Variants in RASSF3 observed in about 807,000 individuals in gnomAD.
RASSF3 encodes the protein Ras association domain family member 3, also known as ras association domain-containing protein 3.
In RASSF3, 19 loss-of-function variants were observed where a neutral mutation model predicts 19.9. The ratio of observed to expected loss-of-function variants is 0.96; its 90% CI spans 0.67 to 1.40. RASSF3 has a LOEUF of 1.40. Among genes scored for constraint, RASSF3 ranks in the 40% most tolerant of loss-of-function variants. The pLI, the probability that RASSF3 is intolerant of heterozygous loss-of-function variation, is 0.00. For missense variants in RASSF3, 306 were observed against 289.8 expected (o/e 1.06, Z -0.41); for synonymous variants, 110 against 104.2 (o/e 1.06, Z -0.34).
chr12:64,531,676 C>G (rs1490063883), upstream of RASSF3, among the ~76,000 whole-genome samples: 1 of 152,158 alleles, frequency 6.6e-6, no homozygotes, highest in South Asian at 2.1e-4. Flanking sequence ...CTATGTTTAG[C>G]CTGTAGCTTT....
upstream of RASSF3, among the ~76,000 whole-genome samples, chr12:64,607,016 C>T (rs886827885): frequency 6.6e-5 from 10 of 152,058 alleles, no homozygotes; most frequent in African/African-American, 2.4e-4. Context: ...TGGTGGCTCA[C>T]ACCTGTAATC....
intron 2 of RASSF3, among the ~76,000 whole-genome samples, chr12:64,567,779 C>T (rs1869454128): frequency 6.6e-6 from 1 of 152,232 alleles, no homozygotes; most frequent in African/African-American, 2.4e-5. Context: ...TGTGGCTCCA[C>T]ACACCAGAGC....
chr12:64,507,389 A>G (rs1216031755), intron 1 of RASSF3: 6 of 398,000 alleles, frequency 1.5e-5, no homozygotes, highest in South Asian at 2.6e-4. Context: ...TGTGTGTTAC[A>G]TTTTAAAATG....
chr12:64,543,440 C>CG (rs1203488896), downstream of RASSF3, among the ~76,000 whole-genome samples: 1 of 58,936 alleles, frequency 1.7e-5, no homozygotes, highest in Non-Finnish European at 3.0e-5. Context: ...CCCGCCCCCC[C>CG]CGTGCCCGCC....
At chr12:64,553,990 A>AAG (rs1555208788) in intron 2 of RASSF3, among the ~76,000 whole-genome samples, 1 of 151,592 alleles carries the variant, frequency 6.6e-6, no homozygotes, top group Non-Finnish European at 1.5e-5. Flanking sequence ...AAAAAAAAAA[A>AAG]AAAGAAAGAA....
At chr12:64,683,561 A>G (rs944121665) in intron 1 of RASSF3, among the ~76,000 whole-genome samples, 2 of 152,176 alleles carry the variant, frequency 1.3e-5, no homozygotes, top group Non-Finnish European at 2.9e-5. Context: ...AAGATGAATT[A>G]TCCTCTGGTA....
At chr12:64,644,679 A>AG (rs1871667985) in intron 1 of RASSF3, among the ~76,000 whole-genome samples, 1 of 143,476 alleles carries the variant, frequency 7.0e-6, no homozygotes, top group Non-Finnish European at 1.5e-5. Context: ...CCTGGGCAGC[A>AG]GAGACCCTGT....
At chr12:64,662,083 T>C (rs1475634382) in intron 1 of RASSF3, among the ~76,000 whole-genome samples, 1 of 150,976 alleles carries the variant, frequency 6.6e-6, no homozygotes, top group Non-Finnish European at 1.5e-5. Flanking sequence ...GAAAAAAAAA[T>C]CCCTGCCTTT....
intron 2 of RASSF3, among the ~76,000 whole-genome samples, chr12:64,591,914 T>G (rs1291277853): frequency 6.6e-6 from 1 of 152,082 alleles, no homozygotes; most frequent in Non-Finnish European, 1.5e-5. Context: ...CTGTTTTTTT[T>G]TTTTTGAGAC....
chr12:64,570,587 G>A (rs916146751), intron 2 of RASSF3, among the ~76,000 whole-genome samples: 5 of 152,088 alleles, frequency 3.3e-5, no homozygotes. Flanking sequence ...TGTGCAGCTG[G>A]CTTAACTTGC....
chr12:64,653,050 C>T (rs1407804225), intron 1 of RASSF3, among the ~76,000 whole-genome samples: 2 of 152,154 alleles, frequency 1.3e-5, no homozygotes, highest in African/African-American at 2.4e-5. Context: ...CATCTTCTCT[C>T]TGTACATGTC....
At chr12:64,649,974 C>G (rs1871881437) in intron 1 of RASSF3, among the ~76,000 whole-genome samples, 1 of 152,150 alleles carries the variant, frequency 6.6e-6, no homozygotes, top group Non-Finnish European at 1.5e-5. Flanking sequence ...GTTTTCAGAG[C>G]CTTTGTTATG....
chr12:64,634,234 A>G (rs1438175295), intron 1 of RASSF3, among the ~76,000 whole-genome samples: 2 of 151,704 alleles, frequency 1.3e-5, no homozygotes, highest in African/African-American at 2.4e-5. Context: ...TAGGAGATGA[A>G]CAAGGTTAAC....
At chr12:64,511,236 C>T (rs1868326098) in intron 1 of RASSF3, among the ~76,000 whole-genome samples, 1 of 152,082 alleles carries the variant, frequency 6.6e-6, no homozygotes, top group Non-Finnish European at 1.5e-5. Context: ...TATGTAAAAC[C>T]CTGTTTAAGG....
chr12:64,548,721 CT>C (rs1869110427), intron 2 of RASSF3, among the ~76,000 whole-genome samples: 1 of 152,196 alleles, frequency 6.6e-6, no homozygotes, highest in South Asian at 2.1e-4. Flanking sequence ...ACTTAGCTCA[CT>C]ATAAATTCAT....
At chr12:64,692,085 T>C (rs1173686194) in intron 4 of RASSF3, among the ~76,000 whole-genome samples, 1 of 152,212 alleles carries the variant, frequency 6.6e-6, no homozygotes, top group African/African-American at 2.4e-5. Context: ...TAAGAAATTA[T>C]GTTTCCATGT....
chr12:64,653,502 G>C (rs936510371), intron 1 of RASSF3, among the ~76,000 whole-genome samples: 2 of 152,022 alleles, frequency 1.3e-5, no homozygotes, highest in Admixed American at 1.3e-4. Context: ...ATCACATTCT[G>C]AGTTATTGGG....
At chr12:64,562,054 G>GC (rs1481412079) in intron 2 of RASSF3, among the ~76,000 whole-genome samples, 3 of 151,014 alleles carry the variant, frequency 2.0e-5, no homozygotes, top group Admixed American at 6.6e-5. Context: ...GTCTTGCTCT[G>GC]TTGCCCAGGC....
At chr12:64,577,777 A>G (rs1869620506) in intron 2 of RASSF3, among the ~76,000 whole-genome samples, 2 of 152,142 alleles carry the variant, frequency 1.3e-5, no homozygotes, top group Non-Finnish European at 2.9e-5. Context: ...GAGTGCTGTT[A>G]TGTTGTCAGA....
Sources: gnomAD v4.1 joint callset for allele counts (sites outside exome capture counted in the v4.1 genomes callset) on GRCh38, gnomAD v4.1.1 for gene constraint, MANE v1.5 for transcripts, NCBI Gene and HGNC (gene_info 2026-07-23, HGNC 2026-07-21) for gene names.